The following SPATA17 variants were observed in gnomAD, a reference collection of about 807,000 sequenced individuals.
The protein encoded by SPATA17 is spermatogenesis-associated protein 17.
Under a neutral mutation model 62.2 loss-of-function variants are expected in SPATA17, and 53 were observed. That is an observed-to-expected ratio of 0.85 (90% CI 0.68 to 1.07). The LOEUF (loss-of-function observed/expected upper bound fraction) is 1.07, where lower values mean the gene tolerates loss of function less well. Among genes scored for constraint, SPATA17 ranks in the 50% least tolerant of loss-of-function variants. The pLI, the probability that SPATA17 is intolerant of heterozygous loss-of-function variation, is 0.00. For missense variants in SPATA17, 466 were observed against 425.5 expected (o/e 1.10, Z -0.84); for synonymous variants, 146 against 146.8 (o/e 0.99, Z 0.04).
intron 9 of SPATA17, among the ~76,000 whole-genome samples, chr1:217,824,601 A>G (rs896411741): frequency 7.9e-5 from 12 of 151,030 alleles, no homozygotes; most frequent in Admixed American, 4.0e-4. Flanking sequence ...CCTAAATAAT[A>G]GTTTGTTTTG....
intron 5 of SPATA17, among the ~76,000 whole-genome samples, chr1:217,690,525 C>T (rs2102911681): frequency 7.3e-6 from 1 of 137,052 alleles, no homozygotes; most frequent in South Asian, 2.3e-4. Flanking sequence ...TTTTAGGGTA[C>T]ATGTGCACAT....
intron 4 of SPATA17, among the ~76,000 whole-genome samples, chr1:217,678,489 T>G (rs1671005414): frequency 2.0e-5 from 3 of 152,160 alleles, no homozygotes; most frequent in African/African-American, 7.2e-5. Context: ...ATTACAGGCA[T>G]GAGCCACCGC....
At chr1:217,825,288 CATATAA>C (rs1327524763) in intron 9 of SPATA17, among the ~76,000 whole-genome samples, 1 of 150,976 alleles carries the variant, frequency 6.6e-6, no homozygotes, top group Non-Finnish European at 1.5e-5. Context: ...TTTTTGTATT[CATATAA>C]ATAGAAATAT....
At chr1:217,685,753 G>A (rs12072262) in intron 5 of SPATA17, among the ~76,000 whole-genome samples, 38,231 of 151,774 alleles carry the variant, frequency 0.25, 5,280 homozygotes, top group African/African-American at 0.36. Context: ...GGATACTTAC[G>A]TCCTCTTCTG....
chr1:217,852,683 C>A (rs776155614), intron 9 of SPATA17, among the ~76,000 whole-genome samples: 19 of 152,036 alleles, frequency 1.2e-4, no homozygotes, highest in East Asian at 5.8e-4. Context: ...CTTTCCCCCC[C>A]AAAAAATCAT....
At chr1:217,696,407 A>C (rs953496650) in intron 5 of SPATA17, among the ~76,000 whole-genome samples, 1 of 152,074 alleles carries the variant, frequency 6.6e-6, no homozygotes, top group African/African-American at 2.4e-5. Flanking sequence ...CTCCCTAGTG[A>C]GATGAACCCG....
intron 3 of SPATA17, among the ~76,000 whole-genome samples, chr1:217,658,215 G>A (rs1000089365): frequency 1.3e-5 from 2 of 152,096 alleles, no homozygotes; most frequent in Non-Finnish European, 2.9e-5. Context: ...TTGGGTCATG[G>A]GGGAGGATCC....
intron 2 of SPATA17, among the ~76,000 whole-genome samples, chr1:217,649,202 G>T (rs957724096): frequency 1.3e-5 from 2 of 151,930 alleles, no homozygotes; most frequent in South Asian, 4.2e-4. Context: ...ATATTGGCTG[G>T]GCGCAGTGGC....
At position 217,869,452 on chromosome 1, in the gene SPATA17, C is replaced by T. The variant is rs947159033; in HGVS notation, c.*2433C>T. 6.6e-6 allele frequency: 1 copy of T among 152,136 alleles called. No homozygotes were observed. The highest frequency in any genetic ancestry group is 1.5e-5 in the Non-Finnish European group (1 of 68,032). 9.4% of individuals were successfully genotyped at this position (152,136 alleles called of 1,614,324 possible). A position where few individuals can be genotyped will look rare whatever the true frequency, so the allele number is the denominator to read the frequency against. On this transcript the variant is annotated 3_prime_UTR_variant, in exon 11 of 11. Transcript: ENST00000366933. The stretch of plus-strand genomic sequence containing the variant: ...AGGTGTCAGACTCTTAGTAAATTAT[C>T]TCCTGGATCAGTGAAAAGATGTGAA...
intron 5 of SPATA17, among the ~76,000 whole-genome samples, chr1:217,732,096 C>G (rs182771560): frequency 5.8e-4 from 88 of 152,134 alleles, no homozygotes; most frequent in Middle Eastern, 6.8e-3. Context: ...CTCTCTCTCT[C>G]TCTCTCTCTC....
chr1:217,855,133 A>G (rs1675751037), intron 9 of SPATA17, among the ~76,000 whole-genome samples: 1 of 152,170 alleles, frequency 6.6e-6, no homozygotes, highest in Admixed American at 6.6e-5. Flanking sequence ...TTCAATTGTT[A>G]TTCCCCATTT....
chr1:217,726,948 C>T (rs1409070269), intron 5 of SPATA17, among the ~76,000 whole-genome samples: 6 of 151,846 alleles, frequency 4.0e-5, no homozygotes, highest in Admixed American at 1.3e-4. Flanking sequence ...GCATTTAAAG[C>T]CTTAAAAAAA....
At chr1:217,815,239 A>G (rs1674683940) in intron 9 of SPATA17, among the ~76,000 whole-genome samples, 1 of 152,208 alleles carries the variant, frequency 6.6e-6, no homozygotes. Context: ...TAGGAAATAT[A>G]CATTATGCCT....
chr1:217,679,767 A>G (rs116696890), intron 4 of SPATA17, among the ~76,000 whole-genome samples: 7,681 of 152,234 alleles, frequency 0.05, 253 homozygotes, highest in Middle Eastern at 0.12. Flanking sequence ...GCTCTTTCCA[A>G]TAGTTGCTGG....
rs1041944903 is a variant in SPATA17 at position 217,643,843 on chromosome 1, G to A, written c.69-5039G>A. ...TCCCAGGTTCAAGCAATTCTCCTGC[G>A]TTAGCCTCCCAAGTAGCTGGGATTA... On this transcript the variant is annotated intron_variant, in intron 1 of 10. Coordinates refer to ENST00000366933, the MANE Select transcript of SPATA17 (RefSeq NM_138796.4). 3.6e-4 allele frequency among the ~76,000 whole-genome samples: 54 copies of A among 151,750 alleles called. 1 individual carries two copies. Among genetic ancestry groups the A allele is most frequent in the African/African-American group, 1.2e-3 (51 of 41,398 alleles).
intron 9 of SPATA17, among the ~76,000 whole-genome samples, chr1:217,848,157 T>C (rs1412429289): frequency 6.6e-6 from 1 of 152,144 alleles, no homozygotes; most frequent in Non-Finnish European, 1.5e-5. Context: ...TTTATTGATA[T>C]AAAAGTTAAA....
chr1:217,801,610 A>T (rs1269949454), intron 8 of SPATA17, 108 bp from the exon 9 acceptor site: 2 of 836,652 alleles, frequency 2.4e-6, no homozygotes. Context: ...TCTGATTCTA[A>T]ATCTTGTATC....
chr1:217,764,278 C>G (rs1205705456), intron 6 of SPATA17, among the ~76,000 whole-genome samples: 7 of 152,150 alleles, frequency 4.6e-5, no homozygotes, highest in Non-Finnish European at 1.0e-4. Flanking sequence ...AGCCACTGAT[C>G]CTTTTACTAT....
chr1:217,850,018 G>A (rs534490807), intron 9 of SPATA17, among the ~76,000 whole-genome samples: 1 of 152,046 alleles, frequency 6.6e-6, no homozygotes, highest in Non-Finnish European at 1.5e-5. Flanking sequence ...GGTCGCTGCT[G>A]TCTGCTGGTT....
Sources: gnomAD v4.1 joint callset for allele counts (sites outside exome capture counted in the v4.1 genomes callset) on GRCh38, gnomAD v4.1.1 for gene constraint, MANE v1.5 for transcripts, NCBI Gene and HGNC (gene_info 2026-07-23, HGNC 2026-07-21) for gene names.